The following TMEM233 variants were observed in gnomAD, a reference collection of about 807,000 sequenced individuals.
TMEM233 encodes the protein transmembrane protein 233.
In TMEM233, 6 loss-of-function variants were observed where a neutral mutation model predicts 11.2. That is an observed-to-expected ratio of 0.54 (90% CI 0.29 to 1.06). TMEM233 has a LOEUF of 1.06. Ranked by LOEUF, TMEM233 falls within the 50% of genes least tolerant of loss-of-function variation. TMEM233 has a pLI of 0.08. For synonymous variants in TMEM233, 59 were observed against 55.8 expected, an observed-to-expected ratio of 1.06 and a Z score of -0.26; for missense variants, 127 against 144.7, an observed-to-expected ratio of 0.88 and a Z score of 0.63.
intron 1 of TMEM233, among the ~76,000 whole-genome samples, chr12:119,609,616 A>G (rs1954353831): frequency 6.6e-6 from 1 of 152,234 alleles, no homozygotes. Flanking sequence ...AAGCTGCTTC[A>G]GCTCCAGCCA....
At position 119,594,595 on chromosome 12, in the gene TMEM233, C is replaced by G. The variant is rs1385854599; in HGVS notation, c.186+561C>G. 1 of 153,804 alleles carries G rather than the reference C, an allele frequency of 6.5e-6. No individual in the cohort carries two copies. Among genetic ancestry groups the G allele is most frequent in the African/African-American group, 2.4e-5 (1 of 41,474 alleles). The allele number at this position is 153,804 out of a possible 1,614,324, so 9.5% of individuals were successfully genotyped here. A position where few individuals can be genotyped will look rare whatever the true frequency, so the allele number is the denominator to read the frequency against. ...GCTTCCGCCACTCTCCGGGGGGTCC[C>G]CAGGCGATTCCTGATGCCCCCTCCT... On this transcript the variant is annotated intron_variant, in intron 1 of 2. Transcript: ENST00000426426. This position sits in a 1 kb window ranked among gnomAD's most constrained non-coding sequence, Gnocchi z 5.6.
chr12:119,618,444 A>G (rs1041784282), intron 1 of TMEM233, among the ~76,000 whole-genome samples: 1 of 152,142 alleles, frequency 6.6e-6, no homozygotes, highest in East Asian at 1.9e-4. Context: ...AGCCTGCACC[A>G]TGCACCTGGA....
At chr12:119,616,037 A>G (rs1424803406) in intron 1 of TMEM233, among the ~76,000 whole-genome samples, 2 of 152,160 alleles carry the variant, frequency 1.3e-5, no homozygotes, top group East Asian at 1.9e-4. Flanking sequence ...CATCCAGGGA[A>G]GGGGTGTATA....
At chr12:119,635,605 C>T (rs1046060955) in intron 2 of TMEM233, among the ~76,000 whole-genome samples, 13 of 152,136 alleles carry the variant, frequency 8.5e-5, no homozygotes, top group South Asian at 2.1e-4. Flanking sequence ...TAATTTAGCC[C>T]GATTATGACA....
chr12:119,628,460 C>A (rs947350739), intron 1 of TMEM233, among the ~76,000 whole-genome samples: 1 of 146,756 alleles, frequency 6.8e-6, no homozygotes, highest in African/African-American at 2.5e-5. Flanking sequence ...CACGCCCGGC[C>A]TAAAGCTGCT....
Position 119,629,844 on chromosome 12 carries a change from A to G in TMEM233, c.295A>G (p.Ile99Val). Residue 99 changes from isoleucine to valine, a missense_variant, in exon 2 of 3, where the codon ATT (isoleucine) becomes GTT (valine). Physicochemically the swap from Ile to Val is conservative, Grantham distance 29. Coordinates refer to ENST00000426426, the MANE Select transcript of TMEM233 (RefSeq NM_001136534.3). ...CATCATTGGCCTTCTCATCATCGGC[A>G]TTTCTTGTGCAGTTCACTTCACAAG... ...SIIIGLLIIG[I>V]SCAVHFTRNA 1.3e-6 allele frequency: 2 copies of G among 1,551,648 alleles called. No homozygotes were observed. The highest frequency in any genetic ancestry group is 1.7e-6 in the Non-Finnish European group (2 of 1,146,968).
intron 1 of TMEM233, among the ~76,000 whole-genome samples, chr12:119,627,586 A>G (rs1157064533): frequency 1.3e-5 from 2 of 152,186 alleles, no homozygotes; most frequent in Non-Finnish European, 2.9e-5. Flanking sequence ...CAGCTCACAC[A>G]TGAACTAACA....
the TMEM233 span, among the ~76,000 whole-genome samples, chr12:119,650,231 C>A: frequency 1.3e-5 from 2 of 151,474 alleles, no homozygotes; most frequent in East Asian, 3.9e-4. Context: ...TTCTGCTAAA[C>A]CTTTGACATG....
downstream of TMEM233, among the ~76,000 whole-genome samples, chr12:119,646,230 TG>T (rs199997264): frequency 0.018 from 2,783 of 152,196 alleles, 95 homozygotes; most frequent in African/African-American, 0.064. Flanking sequence ...GCTAATTTTT[TG>T]TATTTTTAGT....
chr12:119,628,057 T>G (rs1051151991), intron 1 of TMEM233, among the ~76,000 whole-genome samples: 3 of 152,244 alleles, frequency 2.0e-5, no homozygotes, highest in Non-Finnish European at 2.9e-5. Context: ...CTCAACACGC[T>G]ACCTATGGGG....
At chr12:119,599,139 C>T (rs776524747) in intron 1 of TMEM233, among the ~76,000 whole-genome samples, 12 of 152,130 alleles carry the variant, frequency 7.9e-5, no homozygotes, top group African/African-American at 2.2e-4. Flanking sequence ...AGAGGACTTT[C>T]GATTAATCGT....
At chr12:119,626,068 C>G (rs930758924) in intron 1 of TMEM233, among the ~76,000 whole-genome samples, 1 of 152,030 alleles carries the variant, frequency 6.6e-6, no homozygotes. Context: ...ATGTCTTTCA[C>G]GACATTGACT....
downstream of TMEM233, among the ~76,000 whole-genome samples, chr12:119,646,522 A>C (rs997550273): frequency 2.6e-5 from 4 of 152,230 alleles, no homozygotes; most frequent in African/African-American, 4.8e-5. Context: ...CCTTTCTGGA[A>C]GTTCGTAGAG....
rs370912064 is a variant in TMEM233 at position 119,642,544 on chromosome 12, A to G, written c.*1839A>G. ...GGCTGAGAGTCAATACCTAGTTCCA[A>G]CGCCCTTTTGTTTTTGCAGGGTTTT... On this transcript the variant is annotated 3_prime_UTR_variant, in exon 3 of 3. Coordinates refer to ENST00000426426, the MANE Select transcript of TMEM233 (RefSeq NM_001136534.3). 3 of 152,268 alleles carry G rather than the reference A, an allele frequency of 2.0e-5. No individual in the cohort carries two copies. The highest frequency in any genetic ancestry group is 1.3e-4 in the Admixed American group (2 of 15,292). 9.4% of individuals were successfully genotyped at this position (152,268 alleles called of 1,614,324 possible).
At chr12:119,633,373 A>G (rs1378710170) in intron 2 of TMEM233, among the ~76,000 whole-genome samples, 1 of 152,078 alleles carries the variant, frequency 6.6e-6, no homozygotes, top group Admixed American at 6.6e-5. Context: ...TGAGGCCAGG[A>G]GTTCCTTGAC....
intron 1 of TMEM233, among the ~76,000 whole-genome samples, chr12:119,596,662 T>C (rs1038175701): frequency 1.3e-5 from 2 of 151,738 alleles, no homozygotes; most frequent in Non-Finnish European, 2.9e-5. Context: ...CCGACTAATT[T>C]TTGTATTTTT....
chr12:119,605,786 C>T (rs146167624), intron 1 of TMEM233, among the ~76,000 whole-genome samples: 5 of 152,088 alleles, frequency 3.3e-5, no homozygotes, highest in Non-Finnish European at 5.9e-5. Flanking sequence ...TCTCTTTTAA[C>T]AGATTTACCC....
intron 1 of TMEM233, among the ~76,000 whole-genome samples, chr12:119,618,712 TTTGC>T (rs1448061457): frequency 6.6e-6 from 1 of 152,202 alleles, no homozygotes; most frequent in African/African-American, 2.4e-5. Flanking sequence ...AACAGATGTA[TTTGC>T]CCAATGCCTG....
intron 1 of TMEM233, among the ~76,000 whole-genome samples, chr12:119,624,584 C>T (rs1392320479): frequency 6.6e-6 from 1 of 152,020 alleles, no homozygotes; most frequent in African/African-American, 2.4e-5. Flanking sequence ...AATCCAGTCC[C>T]CCCAAAAAAC....
Sources: gnomAD v4.1 joint callset for allele counts (sites outside exome capture counted in the v4.1 genomes callset) on GRCh38, gnomAD v4.1.1 for gene constraint, Gnocchi (gnomAD v3.1) non-coding constraint, MANE v1.5 for transcripts, NCBI Gene and HGNC (gene_info 2026-07-23, HGNC 2026-07-21) for gene names.